Variants in PRDM16 observed in about 807,000 individuals in gnomAD.
PRDM16 encodes PR/SET domain 16.
In PRDM16, 23 loss-of-function variants were observed where a neutral mutation model predicts 110.6. The ratio of observed to expected loss-of-function variants is 0.21; its 90% CI spans 0.15 to 0.29. PRDM16 has a LOEUF of 0.29. PRDM16 is among the 10% of genes least tolerant of loss of function. PRDM16 has a pLI of 1.00. For synonymous variants in PRDM16, 799 were observed against 781.8 expected (o/e 1.02, Z -0.37); for missense variants, 1,615 against 1,794.3 (o/e 0.90, Z 1.81).
intron 10 of PRDM16, among the ~76,000 whole-genome samples, chr1:3,416,660 C>T (rs1287745210): frequency 6.6e-6 from 1 of 152,212 alleles, no homozygotes; most frequent in African/African-American, 2.4e-5. Flanking sequence ...TCCTCATCCC[C>T]TTCTCTGGGA....
At chr1:3,192,637 A>C (rs555068779) in intron 2 of PRDM16, among the ~76,000 whole-genome samples, 34 of 152,192 alleles carry the variant, frequency 2.2e-4, no homozygotes, top group African/African-American at 7.5e-4. Flanking sequence ...TGGGGAATCA[A>C]GGTGAGCTTG....
chr1:3,239,054 C>A (rs1639603354), intron 2 of PRDM16, among the ~76,000 whole-genome samples: 1 of 152,276 alleles, frequency 6.6e-6, no homozygotes, highest in Non-Finnish European at 1.5e-5. Context: ...GCTGTTATGA[C>A]TGGCTTCACC....
chr1:3,315,927 G>A (rs1333510809), intron 3 of PRDM16, among the ~76,000 whole-genome samples: 1 of 151,882 alleles, frequency 6.6e-6, no homozygotes, highest in African/African-American at 2.4e-5. Flanking sequence ...GGCCCTGCCT[G>A]CGGAAGGTAT....
At chr1:3,150,162 G>C (rs185534039) in intron 1 of PRDM16, among the ~76,000 whole-genome samples, 6 of 152,362 alleles carry the variant, frequency 3.9e-5, no homozygotes, top group Admixed American at 3.3e-4. Context: ...CACTGCGTAG[G>C]GGGATGGCTT....
chr1:3,200,365 T>C (rs567289808), intron 2 of PRDM16, among the ~76,000 whole-genome samples: 3 of 152,234 alleles, frequency 2.0e-5, no homozygotes, highest in East Asian at 1.9e-4. Flanking sequence ...TTTTTTGAGA[T>C]GGAGTCTTGC....
chr1:3,161,140 C>T (rs565779646), intron 1 of PRDM16, among the ~76,000 whole-genome samples: 7 of 152,144 alleles, frequency 4.6e-5, no homozygotes, highest in Non-Finnish European at 1.0e-4. Flanking sequence ...CTGAGGACAG[C>T]TGACAGGTGA....
chr1:3,394,438 G>A (rs575860625), intron 4 of PRDM16: 48 of 449,172 alleles, frequency 1.1e-4, no homozygotes, highest in African/African-American at 8.5e-4. Context: ...GAGTGCGGGA[G>A]GATGCCCGAG....
chr1:3,078,361 C>T lies in PRDM16; in HGVS notation c.37+9065C>T, dbSNP rs112242050. Among the ~76,000 whole-genome samples the T allele has an allele frequency of 1.4e-4, 21 of 152,346 alleles. 1 individual carries two copies. Among genetic ancestry groups the T allele is most frequent in the African/African-American group, 4.8e-4 (20 of 41,582 alleles). On this transcript the variant is annotated intron_variant, in intron 1 of 16. Transcript: ENST00000270722. Reference sequence around the variant, plus strand: ...TCGGGGCTCAGCAGCTCCACACAGACTCTGTGTCCTCACTGGGGAGTGGTC... The same window carrying T: ...TCGGGGCTCAGCAGCTCCACACAGATTCTGTGTCCTCACTGGGGAGTGGTC...
At chr1:3,170,711 G>T (rs1048909282) in intron 1 of PRDM16, among the ~76,000 whole-genome samples, 2 of 152,156 alleles carry the variant, frequency 1.3e-5, no homozygotes, top group Non-Finnish European at 2.9e-5. Context: ...AGCAGGGGAA[G>T]GGAGGGCCTG....
Position 3,358,300 on chromosome 1 carries a change from C to T in PRDM16, c.439-26852C>T, listed in dbSNP as rs1443663117. On this transcript the variant is annotated intron_variant, in intron 3 of 16. Coordinates refer to ENST00000270722, the MANE Select transcript of PRDM16 (RefSeq NM_022114.4). The surrounding 1 kb of genome is among the most constrained non-coding windows in gnomAD (Gnocchi z 4.0). Reference sequence around the variant, plus strand: ...CCTGCCTGCTGGGGAACCGTAGTTACGCAGGTCCTGAACTGGGTCTTCTCT... The same window carrying T: ...CCTGCCTGCTGGGGAACCGTAGTTATGCAGGTCCTGAACTGGGTCTTCTCT... Among the ~76,000 whole-genome samples, 3 of 152,230 alleles carry T rather than the reference C, an allele frequency of 2.0e-5. No homozygotes were observed. The highest frequency in any genetic ancestry group is 2.1e-4 in the South Asian group (1 of 4,826).
intron 1 of PRDM16, among the ~76,000 whole-genome samples, chr1:3,153,823 TAC>T (rs1407650195): frequency 3.9e-5 from 6 of 152,232 alleles, no homozygotes; most frequent in African/African-American, 1.2e-4. Context: ...ACGCAGTAAA[TAC>T]ACAGTTTCTA....
In PRDM16 at chr1:3,390,619, G is replaced by C. The variant is rs1643282406; in HGVS notation, c.573+5333G>C. Among the ~76,000 whole-genome samples the C allele has an allele frequency of 6.6e-6, 1 of 152,152 alleles. No individual in the cohort carries two copies. The highest frequency in any genetic ancestry group is 1.5e-5 in the Non-Finnish European group (1 of 68,022). On this transcript the variant is annotated intron_variant, in intron 4 of 16. Transcript: ENST00000270722. The surrounding 1 kb of genome is among the most constrained non-coding windows in gnomAD (Gnocchi z 5.0). ...CACCGCGTGGACAAGAGCCCGCGCG[G>C]GTTGTTCATGAGAACCAGGTGTCTC...
intron 2 of PRDM16, among the ~76,000 whole-genome samples, chr1:3,203,638 G>A (rs981010029): frequency 3.9e-5 from 6 of 152,184 alleles, no homozygotes; most frequent in Non-Finnish European, 7.3e-5. Context: ...CAGACACGGT[G>A]CCCTCGAGGC....
chr1:3,410,300 C>G (rs1643663263), intron 8 of PRDM16, among the ~76,000 whole-genome samples: 1 of 152,148 alleles, frequency 6.6e-6, no homozygotes, highest in Non-Finnish European at 1.5e-5. Context: ...CCGCTGGGTC[C>G]TGGAGTCTAG....
At chr1:3,109,590 C>A (rs991922581) in intron 1 of PRDM16, among the ~76,000 whole-genome samples, 1 of 152,176 alleles carries the variant, frequency 6.6e-6, no homozygotes, top group African/African-American at 2.4e-5. Context: ...GGGCTTCCGC[C>A]GAGGACTAAT....
chr1:3,412,720 G>C lies in PRDM16; in HGVS notation c.2523G>C (p.Gln841His). Residue 841 changes from glutamine (Q) to histidine (H), a missense_variant, in exon 9 of 17, where the codon CAG becomes CAC. Physicochemically the swap from Gln to His is conservative, Grantham distance 24. This residue lies in a region of PRDM16 where 772 missense variants were observed against 748.3 expected (regional missense o/e 1.03). Transcript: ENST00000270722. ...RKLGAGEGLP[Q>H]VCPARMPQQP... Reference sequence around the variant, plus strand: ...TGGGCGCCGGCGAGGGGCTGCCCCAGGTGTGCCCGGCGCGGATGCCCCAGC... The same window carrying C: ...TGGGCGCCGGCGAGGGGCTGCCCCACGTGTGCCCGGCGCGGATGCCCCAGC... The C allele has an allele frequency of 6.6e-7, 1 of 1,505,310 alleles. No homozygotes were observed. Among genetic ancestry groups the C allele is most frequent in the East Asian group, 2.5e-5 (1 of 40,196 alleles). The allele number at this position is 1,505,310 out of a possible 1,614,324, so 93.2% of individuals were successfully genotyped here. A position where few individuals can be genotyped will look rare whatever the true frequency, so the allele number is the denominator to read the frequency against.
At chr1:3,332,176 T>C (rs1642054575) in intron 3 of PRDM16, among the ~76,000 whole-genome samples, 1 of 152,282 alleles carries the variant, frequency 6.6e-6, no homozygotes, top group South Asian at 2.1e-4. Context: ...CGCTCACCTC[T>C]TTCCAGGCTG....
chr1:3,074,403 G>A (rs1420291207), intron 1 of PRDM16, among the ~76,000 whole-genome samples: 1 of 152,034 alleles, frequency 6.6e-6, no homozygotes, highest in Non-Finnish European at 1.5e-5. Flanking sequence ...AATTCCATAG[G>A]GTTTTTTCTG....
chr1:3,123,275 C>A (rs1451624820), intron 1 of PRDM16, among the ~76,000 whole-genome samples: 1 of 152,228 alleles, frequency 6.6e-6, no homozygotes, highest in African/African-American at 2.4e-5. Flanking sequence ...GGCAGAGAGG[C>A]CCTCAGGAAA....
Sources: allele counts gnomAD v4.1 joint callset (sites outside exome capture counted in the v4.1 genomes callset), GRCh38; gene constraint gnomAD v4.1.1; regional missense constraint gnomAD v4.1.1; non-coding constraint Gnocchi (gnomAD v3.1); transcripts MANE v1.5; gene names NCBI Gene and HGNC (gene_info 2026-07-23, HGNC 2026-07-21).